TRMT44: variants seen among roughly 807,000 people sequenced by gnomAD.
The protein encoded by TRMT44 is tRNA methyltransferase 44 homolog, also known as probable tRNA (uracil-O(2)-)-methyltransferase.
In TRMT44, 78 loss-of-function variants were observed where a neutral mutation model predicts 77.3. The observed-to-expected ratio is 1.01, with a 90% CI of 0.84 to 1.22. The LOEUF (loss-of-function observed/expected upper bound fraction) is 1.22, where lower values mean the gene tolerates loss of function less well. Among genes scored for constraint, TRMT44 ranks in the 50% most tolerant of loss-of-function variants. The pLI is 0.00. For missense variants in TRMT44, 1,090 were observed against 964.4 expected (o/e 1.13, Z -1.73); for synonymous variants, 391 against 383.3 (o/e 1.02, Z -0.23).
intron 6 of TRMT44, among the ~76,000 whole-genome samples, chr4:8,459,014 C>T (rs879700255): frequency 9.4e-5 from 14 of 149,234 alleles, no homozygotes; most frequent in Non-Finnish European, 1.5e-4. Flanking sequence ...GCCAGGGCAA[C>T]GTGGCAAAAT....
At chr4:8,447,582 A>G (rs185614327) in intron 2 of TRMT44, among the ~76,000 whole-genome samples, 554 of 152,220 alleles carry the variant, frequency 3.6e-3, no homozygotes, top group Non-Finnish European at 5.0e-3. Flanking sequence ...CCCTCTGTCT[A>G]CTCACCTTGA....
chr4:8,442,301 C>T (rs372983745), intron 1 of TRMT44, among the ~76,000 whole-genome samples: 1 of 152,178 alleles, frequency 6.6e-6, no homozygotes, highest in African/African-American at 2.4e-5. Flanking sequence ...GCTATTTATG[C>T]TGAGACAAAT....
downstream of TRMT44, among the ~76,000 whole-genome samples, chr4:8,479,817 A>G (rs187503367): frequency 3.9e-4 from 60 of 151,982 alleles, no homozygotes; most frequent in African/African-American, 1.4e-3. Flanking sequence ...AACATTTTTG[A>G]CTCTTTTTTA....
intron 7 of TRMT44, among the ~76,000 whole-genome samples, 182 bp from the exon 8 acceptor site, chr4:8,465,196 A>G (rs1424407495): frequency 3.9e-5 from 6 of 152,224 alleles, no homozygotes; most frequent in Non-Finnish European, 7.3e-5. Flanking sequence ...AAACCTGCAC[A>G]CATACCCCCT....
At position 8,464,067 on chromosome 4, in the gene TRMT44, C is replaced by G; in HGVS notation, c.1286C>G (p.Pro429Arg). The G allele has an allele frequency of 6.2e-7, 1 of 1,613,860 alleles. No homozygotes were observed. The highest frequency in any genetic ancestry group is 8.5e-7 in the Non-Finnish European group (1 of 1,179,874). The change falls in exon 7 of 11, where the codon CCA becomes CGA. Residue 429 changes from proline to arginine, a missense_variant. Pro to Arg is a moderately radical substitution (Grantham distance 103). Transcript: ENST00000389737. ...LIGNHSDELTPWIPVIAARSS... is the reference protein window; with the variant it reads ...LIGNHSDELTRWIPVIAARSS... ...GGTAACCATTCTGATGAACTCACACCATGGATACCTGTCATTGCAGCCAGG... is the reference window on the plus strand; with the variant it reads ...GGTAACCATTCTGATGAACTCACACGATGGATACCTGTCATTGCAGCCAGG...
At chr4:8,506,617 G>C in the TRMT44 span, among the ~76,000 whole-genome samples, 1 of 152,220 alleles carries the variant, frequency 6.6e-6, no homozygotes, top group Admixed American at 6.5e-5. Context: ...CGGGCTGGGA[G>C]GTGATGGCTC....
chr4:8,513,104 G>A, the TRMT44 span, among the ~76,000 whole-genome samples: 1 of 152,074 alleles, frequency 6.6e-6, no homozygotes, highest in Non-Finnish European at 1.5e-5. Flanking sequence ...TTAGAGACAG[G>A]GTTTTACCAT....
intron 6 of TRMT44, 92 bp downstream of exon 6, chr4:8,454,905 A>G: frequency 8.9e-7 from 1 of 1,126,058 alleles, no homozygotes; most frequent in Admixed American, 1.8e-5. Flanking sequence ...GTATAGGTCA[A>G]GCAGACATGC....
Position 8,470,320 on chromosome 4 carries a change from G to C in TRMT44, c.1928-764G>C, listed in dbSNP as rs528907335. 9.8e-5 allele frequency among the ~76,000 whole-genome samples: 15 copies of C among 152,302 alleles called. No individual in the cohort carries two copies. The South Asian group carries it at 3.1e-3, about 32-fold the overall frequency. On this transcript the variant is annotated intron_variant, in intron 9 of 10. Transcript: ENST00000389737. Reference sequence around the variant, plus strand: ...GTGGTGTCCTGATCCGTAGGGGTCTGACAGGCTCAGCTGCATACAGACAGG... The same window carrying C: ...GTGGTGTCCTGATCCGTAGGGGTCTCACAGGCTCAGCTGCATACAGACAGG...
At chr4:8,482,231 C>A (rs923877164) in intron 2 of TRMT44, 3 of 152,250 alleles carry the variant, frequency 2.0e-5, no homozygotes, top group Non-Finnish European at 4.4e-5. Context: ...ACGGCATCCT[C>A]CTCCACCCTA....
intron 10 of TRMT44, among the ~76,000 whole-genome samples, chr4:8,473,864 T>C (rs1395680842): frequency 1.3e-5 from 2 of 152,154 alleles, no homozygotes; most frequent in African/African-American, 4.8e-5. Flanking sequence ...CTACCTGCCA[T>C]GTCCAGGGTT....
downstream of TRMT44, among the ~76,000 whole-genome samples, chr4:8,496,042 G>C (rs761925747): frequency 1.3e-5 from 2 of 152,200 alleles, no homozygotes; most frequent in Non-Finnish European, 2.9e-5. Flanking sequence ...CATTTGTATA[G>C]ACTGAAGCAG....
At position 8,484,345 on chromosome 4, in the gene TRMT44, C is replaced by T. The variant is rs151151891; in HGVS notation, n.3891+4812C>T. The stretch of plus-strand genomic sequence containing the variant: ...TGGGAGACTCAACAAAGAGTGAGTA[C>T]AGCTGAAGGAGCCGGAGAGCAGAAA... On this transcript the variant is annotated intron_variant and non_coding_transcript_variant, in intron 2 of 2. Transcript: ENST00000511366. Among the ~76,000 whole-genome samples the T allele has an allele frequency of 4.7e-3, 716 of 152,230 alleles. 8 individuals are homozygous for T. Among genetic ancestry groups the T allele is most frequent in the African/African-American group, 0.017 (690 of 41,520 alleles).
At chr4:8,516,227 C>T in the TRMT44 span, among the ~76,000 whole-genome samples, 2 of 152,194 alleles carry the variant, frequency 1.3e-5, no homozygotes, top group African/African-American at 2.4e-5. Flanking sequence ...CACGCAGGCC[C>T]GGCCACAAGA....
the TRMT44 span, among the ~76,000 whole-genome samples, chr4:8,504,812 C>T: frequency 6.6e-6 from 1 of 152,162 alleles, no homozygotes; most frequent in South Asian, 2.1e-4. This position sits in a 1 kb window ranked among gnomAD's most constrained non-coding sequence, Gnocchi z 5.3. Context: ...CTGCCAGTGC[C>T]AGCCCCGTCT....
chr4:8,503,313 T>A, the TRMT44 span, among the ~76,000 whole-genome samples: 1 of 152,176 alleles, frequency 6.6e-6, no homozygotes, highest in Non-Finnish European at 1.5e-5. Flanking sequence ...TGGCACTCTA[T>A]CCCAGCAGAC....
intron 9 of TRMT44, among the ~76,000 whole-genome samples, chr4:8,470,083 C>T (rs1040559587): frequency 1.3e-5 from 2 of 152,252 alleles, no homozygotes; most frequent in African/African-American, 4.8e-5. Context: ...GTGTGAGATT[C>T]CCTGTTATGG....
At position 8,471,081 on chromosome 4, in the gene TRMT44, C is replaced by T. The variant is rs1250034981; in HGVS notation, c.1928-3C>T. On this transcript the variant is annotated splice_polypyrimidine_tract_variant and splice_region_variant and intron_variant, in intron 9 of 10. Coordinates refer to ENST00000389737, the MANE Select transcript of TRMT44 (RefSeq NM_152544.3). ...GGGAAAAAAAAAACCCGTTTTTCCA[C>T]AGAGAGCCTATCTCTGGCAGAAGTA... 6.3e-7 allele frequency: 1 copy of T among 1,576,196 alleles called. No individual in the cohort carries two copies. The highest frequency in any genetic ancestry group is 2.0e-5 in the Admixed American group (1 of 49,966).
At position 8,441,360 on chromosome 4, in the gene TRMT44, G is replaced by A. The variant is rs1417128294; in HGVS notation, c.538G>A (p.Asp180Asn). The change falls in exon 1 of 11, where the codon GAC becomes AAC. Residue 180 changes from aspartate (D) to asparagine (N), a missense_variant. Physicochemically the swap from Asp to Asn is conservative, Grantham distance 23 (BLOSUM62 1). Transcript: ENST00000389737. Reference sequence around the variant, plus strand: ...GCAGCCAGAGGCGCAGCGTGAGCTCGACGTGGTTCTCAGAACCGTCATCCC... The same window carrying A: ...GCAGCCAGAGGCGCAGCGTGAGCTCAACGTGGTTCTCAGAACCGTCATCCC... ...GSQPEAQREL[D>N]VVLRTVIPKT... 40 of 1,534,702 alleles carry A rather than the reference G, an allele frequency of 2.6e-5. No individual in the cohort carries two copies. The Admixed American group carries it at 7.7e-4, about 29-fold the overall frequency.
Sources: allele counts gnomAD v4.1 joint callset (sites outside exome capture counted in the v4.1 genomes callset), GRCh38; gene constraint gnomAD v4.1.1; non-coding constraint Gnocchi (gnomAD v3.1); transcripts MANE v1.5; gene names NCBI Gene and HGNC (gene_info 2026-07-23, HGNC 2026-07-21).